Variants in EVI5 observed in about 807,000 individuals in gnomAD.
EVI5 encodes ecotropic viral integration site 5 protein homolog.
Under a neutral mutation model 112.0 loss-of-function variants are expected in EVI5, and 73 were observed. The observed-to-expected ratio is 0.65, with a 90% confidence interval of 0.54 to 0.79. The LOEUF is 0.79. Ranked by LOEUF, EVI5 falls within the 30% of genes least tolerant of loss-of-function variation. The pLI is 0.00. For synonymous variants in EVI5, 305 were observed against 319.9 expected, an observed-to-expected ratio of 0.95 and a Z score of 0.50; for missense variants, 900 against 968.8, an observed-to-expected ratio of 0.93 and a Z score of 0.94.
intron 10 of EVI5, among the ~76,000 whole-genome samples, chr1:92,673,781 T>C (rs1029820829): frequency 6.6e-6 from 1 of 152,226 alleles, no homozygotes; most frequent in African/African-American, 2.4e-5. Context: ...TATCAAAATC[T>C]TCCTATAACA....
chr1:92,768,141 T>C (rs982457263), intron 1 of EVI5, among the ~76,000 whole-genome samples: 1 of 34,680 alleles, frequency 2.9e-5, no homozygotes, highest in African/African-American at 9.2e-5. Context: ...GTTTCAAATA[T>C]AACAGGAAAA....
chr1:92,605,641 C>T (rs1436457376), intron 17 of EVI5, among the ~76,000 whole-genome samples: 1 of 152,074 alleles, frequency 6.6e-6, no homozygotes, highest in Non-Finnish European at 1.5e-5. Flanking sequence ...TTAAGTTTTG[C>T]CTCCAAAGGA....
chr1:92,563,551 A>T, intron 19 of EVI5, 91 bp downstream of exon 19: 2 of 595,198 alleles, frequency 3.4e-6, no homozygotes, highest in Non-Finnish European at 5.9e-6. Context: ...ATTCAGCATG[A>T]AAGTGTCAGT....
chr1:92,643,860 C>A (rs1660458078), intron 13 of EVI5, among the ~76,000 whole-genome samples: 1 of 151,974 alleles, frequency 6.6e-6, no homozygotes, highest in Non-Finnish European at 1.5e-5. Context: ...GTCAATAAAT[C>A]TGGAGTAACA....
Position 92,512,933 on chromosome 1 carries a change from G to A in EVI5, c.*723C>T, listed in dbSNP as rs1241385460. 4 of 151,904 alleles carry A rather than the reference G, an allele frequency of 2.6e-5. No homozygotes were observed. The highest frequency in any genetic ancestry group is 9.7e-5 in the African/African-American group (4 of 41,346). 9.4% of individuals were successfully genotyped at this position (151,904 alleles called of 1,614,324 possible). ...AGGCTGAGGCGGGTGGATCACTTGA[G>A]GTTAGGAGTTCGAGACCAGCCCAGC... is the stretch of plus-strand genomic sequence containing the variant. On this transcript the variant is annotated 3_prime_UTR_variant, in exon 20 of 20. Coordinates refer to ENST00000684568, the MANE Select transcript of EVI5 (RefSeq NM_001350197.2).
chr1:92,785,201 A>G, upstream of EVI5: 1 of 687,460 alleles, frequency 1.5e-6, no homozygotes, highest in South Asian at 6.5e-5. Flanking sequence ...GCCGGCCGAG[A>G]AAAGGAGAAG....
chr1:92,618,177 G>A (rs956509887), intron 16 of EVI5, among the ~76,000 whole-genome samples: 1 of 152,126 alleles, frequency 6.6e-6, no homozygotes, highest in Non-Finnish European at 1.5e-5. Context: ...CCATAGCCAC[G>A]ATTCACGGGT....
chr1:92,654,002 C>A (rs1002735540), intron 13 of EVI5, among the ~76,000 whole-genome samples: 1 of 151,936 alleles, frequency 6.6e-6, no homozygotes, highest in African/African-American at 2.4e-5. Flanking sequence ...AGTGTACTTA[C>A]CAGGAGCTTC....
intron 10 of EVI5, among the ~76,000 whole-genome samples, chr1:92,670,622 T>A (rs1665711164): frequency 6.6e-6 from 1 of 152,188 alleles, no homozygotes; most frequent in South Asian, 2.1e-4. Flanking sequence ...TTTATTTAAA[T>A]TACTGATCAC....
At chr1:92,707,332 A>G (rs1672179602) in intron 2 of EVI5, among the ~76,000 whole-genome samples, 1 of 152,064 alleles carries the variant, frequency 6.6e-6, no homozygotes, top group African/African-American at 2.4e-5. Flanking sequence ...TGTGCTCCTC[A>G]AAAGATACTA....
chr1:92,749,157 AT>A (rs1679809868), intron 1 of EVI5: 2 of 262,410 alleles, frequency 7.6e-6, no homozygotes, highest in Non-Finnish European at 1.5e-5. Context: ...AATAAATTGT[AT>A]TATAGTCATG....
At chr1:92,710,520 A>G (rs1323751655) in intron 2 of EVI5, among the ~76,000 whole-genome samples, 1 of 152,226 alleles carries the variant, frequency 6.6e-6, no homozygotes, top group Non-Finnish European at 1.5e-5. Context: ...AGGTTTGTGT[A>G]GCCTCCTGGC....
chr1:92,671,410 T>C (rs534756127), intron 10 of EVI5, among the ~76,000 whole-genome samples: 44 of 152,354 alleles, frequency 2.9e-4, no homozygotes, highest in Middle Eastern at 6.8e-3. Context: ...GGCTCAATTC[T>C]TGAATTCTTC....
intron 1 of EVI5, among the ~76,000 whole-genome samples, chr1:92,743,095 G>A (rs1039329025): frequency 2.0e-4 from 31 of 152,260 alleles, no homozygotes; most frequent in African/African-American, 7.2e-4. Context: ...GCTCACGCCT[G>A]TAATCCCAGC....
At chr1:92,718,097 G>T (rs976702762) in intron 2 of EVI5, among the ~76,000 whole-genome samples, 2 of 152,134 alleles carry the variant, frequency 1.3e-5, no homozygotes, top group Admixed American at 6.5e-5. Flanking sequence ...AATAACAGGA[G>T]ACTTTAACAC....
intron 12 of EVI5, 50 bp from the exon 13 acceptor site, chr1:92,662,915 A>C (rs1011115893): frequency 9.2e-7 from 1 of 1,084,176 alleles, no homozygotes; most frequent in African/African-American, 1.7e-5. Flanking sequence ...TAGATTCAAG[A>C]AAGACTGCCT....
At chr1:92,651,141 T>C (rs1662008948) in intron 13 of EVI5, among the ~76,000 whole-genome samples, 1 of 152,246 alleles carries the variant, frequency 6.6e-6, no homozygotes, top group Non-Finnish European at 1.5e-5. Flanking sequence ...TTGTTTACTA[T>C]TATCGTACCC....
chr1:92,629,418 T>A (rs1388324823), intron 14 of EVI5, among the ~76,000 whole-genome samples: 4 of 152,190 alleles, frequency 2.6e-5, no homozygotes, highest in Non-Finnish European at 5.9e-5. Context: ...CCAATAAATT[T>A]ACAGATAAGG....
At chr1:92,678,627 T>C (rs949567728) in intron 9 of EVI5, among the ~76,000 whole-genome samples, 1 of 152,104 alleles carries the variant, frequency 6.6e-6, no homozygotes, top group Non-Finnish European at 1.5e-5. Context: ...AAGCACGATA[T>C]GCAACTCTAT....
Sources: gnomAD v4.1 joint callset for allele counts (sites outside exome capture counted in the v4.1 genomes callset) on GRCh38, gnomAD v4.1.1 for gene constraint, MANE v1.5 for transcripts, NCBI Gene and HGNC (gene_info 2026-07-23, HGNC 2026-07-21) for gene names.